DSCAML1: variants seen among roughly 807,000 people sequenced by gnomAD.
The protein encoded by DSCAML1 is DS cell adhesion molecule like 1, also known as cell adhesion molecule DSCAML1.
Under a neutral mutation model 200.5 loss-of-function variants are expected in DSCAML1, and 38 were observed. The observed-to-expected ratio is 0.19, with a 90% CI of 0.15 to 0.25. The LOEUF (loss-of-function observed/expected upper bound fraction) is 0.25, where lower values mean the gene tolerates loss of function less well. DSCAML1 is among the 10% of genes least tolerant of loss of function. The pLI is 1.00. For missense variants in DSCAML1, 2,223 were observed against 2,858.8 expected, an observed-to-expected ratio of 0.78 and a Z score of 5.07; for synonymous variants, 1,215 against 1,165.0, an observed-to-expected ratio of 1.04 and a Z score of -0.87.
At chr11:117,632,979 C>A (rs977339949) in intron 3 of DSCAML1, among the ~76,000 whole-genome samples, 1 of 152,218 alleles carries the variant, frequency 6.6e-6, no homozygotes, top group Non-Finnish European at 1.5e-5. Context: ...GAGTTCCCAA[C>A]CATTAGGTCA....
intron 3 of DSCAML1, among the ~76,000 whole-genome samples, chr11:117,761,781 G>T (rs780387331): frequency 1.3e-5 from 2 of 152,206 alleles, no homozygotes; most frequent in Non-Finnish European, 2.9e-5. Context: ...TGAGGCAGGA[G>T]GATCCCTTGA....
At chr11:117,638,948 A>G (rs2052344910) in intron 3 of DSCAML1, among the ~76,000 whole-genome samples, 1 of 152,168 alleles carries the variant, frequency 6.6e-6, no homozygotes, top group Non-Finnish European at 1.5e-5. Context: ...GAACTGCTAT[A>G]TGCTGTTTTC....
At chr11:117,593,019 G>A (rs569164126) in intron 3 of DSCAML1, among the ~76,000 whole-genome samples, 1 of 152,388 alleles carries the variant, frequency 6.6e-6, no homozygotes, top group Admixed American at 6.5e-5. Context: ...GGGTGGCTGT[G>A]AAGATTAAGC....
intron 3 of DSCAML1, among the ~76,000 whole-genome samples, chr11:117,536,837 A>T (rs2050180528): frequency 6.6e-6 from 1 of 151,808 alleles, no homozygotes; most frequent in Admixed American, 6.6e-5. Flanking sequence ...AAAGACCCTG[A>T]CCTGTTTTGC....
At chr11:117,472,195 G>A (rs547602507) in intron 14 of DSCAML1, among the ~76,000 whole-genome samples, 159 bp from the exon 15 acceptor site, 2 of 152,198 alleles carry the variant, frequency 1.3e-5, no homozygotes, top group Admixed American at 1.3e-4. Flanking sequence ...TTCACAGACG[G>A]TGCAAGGGGT....
intron 1 of DSCAML1, among the ~76,000 whole-genome samples, chr11:117,807,065 G>A (rs2055712478): frequency 6.6e-6 from 1 of 152,128 alleles, no homozygotes; most frequent in Non-Finnish European, 1.5e-5. Context: ...TCCTTGGCCG[G>A]GGCACCCGCT....
intron 1 of DSCAML1, among the ~76,000 whole-genome samples, chr11:117,814,612 G>A (rs923801726): frequency 6.6e-6 from 1 of 152,248 alleles, no homozygotes; most frequent in African/African-American, 2.4e-5. Flanking sequence ...CCCAAAGGGG[G>A]GTGAGGCACT....
chr11:117,428,419 C>T lies in DSCAML1; in HGVS notation c.6071G>A (p.Arg2024Lys), dbSNP rs1468937416. The change falls in exon 33 of 33, where the codon AGG (arginine) becomes AAG (lysine). Residue 2024 changes from arginine to lysine, a missense_variant. Around this residue, in one of 7 missense-constraint regions of DSCAML1, gnomAD observed 280 missense variants for 213.4 expected, o/e 1.31. Coordinates refer to ENST00000651296, the MANE Select transcript of DSCAML1 (RefSeq NM_020693.4). ...GGPHTKMGGS[R>K]DSLLEMSTSG... The stretch of plus-strand genomic sequence containing the variant: ...TGTGCTCATCTCGAGAAGCGAGTCC[C>T]TGGAGCCCCCCATTTTGGTGTGTGG... 1 of 1,556,788 alleles carries T rather than the reference C, an allele frequency of 6.4e-7. No individual in the cohort carries two copies. The highest frequency in any genetic ancestry group is 8.7e-7 in the Non-Finnish European group (1 of 1,155,568).
chr11:117,756,617 T>C (rs924027827), intron 3 of DSCAML1, among the ~76,000 whole-genome samples: 12 of 151,982 alleles, frequency 7.9e-5, no homozygotes, highest in Non-Finnish European at 1.3e-4. Flanking sequence ...TGTAGAAAAC[T>C]ATTATTATTC....
intron 3 of DSCAML1, among the ~76,000 whole-genome samples, chr11:117,542,809 G>A (rs1009967592): frequency 3.9e-5 from 6 of 152,228 alleles, no homozygotes; most frequent in Non-Finnish European, 8.8e-5. Context: ...CTTGGGCTAA[G>A]AGACTTGTTC....
At chr11:117,601,132 C>T (rs1233590267) in intron 3 of DSCAML1, among the ~76,000 whole-genome samples, 3 of 152,120 alleles carry the variant, frequency 2.0e-5, no homozygotes, top group Non-Finnish European at 2.9e-5. Flanking sequence ...GTTCCCAGCC[C>T]CCACCCGCAC....
At chr11:117,801,642 T>C (rs1565293182), upstream of DSCAML1, 1 of 152,254 alleles carries the variant, frequency 6.6e-6, no homozygotes, top group Non-Finnish European at 1.5e-5. Flanking sequence ...CAAAATTCTG[T>C]CTGCTGGGCT....
rs777234890 is a variant in DSCAML1, at chr11:117,437,882, G to T, written c.4432+13C>A. On this transcript the variant is annotated intron_variant, in intron 25 of 32. Transcript: ENST00000651296. The surrounding 1 kb of genome is among the most constrained non-coding windows in gnomAD (Gnocchi z 5.3). ...CCATCGCTCCTTCCCTGCCCCAGTG[G>T]CCTGGGCCTCACCCCGCCCGTGGGT... 6.3e-7 allele frequency: 1 copy of T among 1,597,106 alleles called. No homozygotes were observed. Among genetic ancestry groups the T allele is most frequent in the Admixed American group, 1.7e-5 (1 of 59,326 alleles).
chr11:117,521,435 A>T, intron 5 of DSCAML1, 30 bp from the exon 6 acceptor site: 3 of 1,602,012 alleles, frequency 1.9e-6, no homozygotes, highest in Non-Finnish European at 1.7e-6. Context: ...CGTGAGGGGA[A>T]ATGGGAGGGA....
rs1467443325 is a variant in DSCAML1, at chr11:117,437,261, G to A, written c.4581C>T (p.Gly1527=). The part of the protein sequence containing the change: ...YRPKGTWAWQ[G]LRANSSGEVF... ...CCTCCCCGGAGCTGTTGGCCCGGAGGCCCTGCCAGGCCCAGGTCCCCTTGG... is the reference window on the plus strand; with the variant it reads ...CCTCCCCGGAGCTGTTGGCCCGGAGACCCTGCCAGGCCCAGGTCCCCTTGG... Residue 1527 remains glycine (G), a synonymous_variant, in exon 26 of 33, where the codon GGC becomes GGT. Transcript: ENST00000651296. This position sits in a 1 kb window ranked among gnomAD's most constrained non-coding sequence, Gnocchi z 5.3. The A allele has an allele frequency of 1.9e-6, 3 of 1,614,214 alleles. No homozygotes were observed. The highest frequency in any genetic ancestry group is 2.2e-5 in the South Asian group (2 of 91,088).
intron 3 of DSCAML1, among the ~76,000 whole-genome samples, chr11:117,650,700 T>TGTGTGC (rs147584706): frequency 7.4e-4 from 109 of 147,460 alleles, no homozygotes; most frequent in African/African-American, 1.7e-3. Context: ...TGTGTGTGTG[T>TGTGTGC]GCGTGTGTGT....
chr11:117,566,989 T>C (rs1483315360), intron 3 of DSCAML1, among the ~76,000 whole-genome samples: 2 of 152,174 alleles, frequency 1.3e-5, no homozygotes, highest in African/African-American at 4.8e-5. Context: ...TGTTGGACAT[T>C]TGGGTTGGTT....
chr11:117,504,165 A>G lies in DSCAML1; in HGVS notation c.2183-144T>C. The G allele has an allele frequency of 5.1e-6, 5 of 971,288 alleles. No homozygotes were observed. Among genetic ancestry groups the G allele is most frequent in the Non-Finnish European group, 7.5e-6 (5 of 668,080 alleles). The allele number at this position is 971,288 out of a possible 1,614,324, so 60.2% of individuals were successfully genotyped here. On this transcript the variant is annotated intron_variant, in intron 10 of 32. Transcript: ENST00000651296. This position sits in a 1 kb window ranked among gnomAD's most constrained non-coding sequence, Gnocchi z 5.0. Reference sequence around the variant, plus strand: ...GCACCATCCCCAAAGTGCTGAGGCCACATGGCTCCTGGTGGGCAACAGGAA... The same window carrying G: ...GCACCATCCCCAAAGTGCTGAGGCCGCATGGCTCCTGGTGGGCAACAGGAA...
chr11:117,430,409 G>A (rs1385050316), intron 32 of DSCAML1, among the ~76,000 whole-genome samples: 1 of 152,252 alleles, frequency 6.6e-6, no homozygotes, highest in Non-Finnish European at 1.5e-5. Flanking sequence ...CGCTGGGGAT[G>A]TATATCATTT....
Sources: allele counts gnomAD v4.1 joint callset (sites outside exome capture counted in the v4.1 genomes callset), GRCh38; gene constraint gnomAD v4.1.1; regional missense constraint gnomAD v4.1.1; non-coding constraint Gnocchi (gnomAD v3.1); transcripts MANE v1.5; gene names NCBI Gene and HGNC (gene_info 2026-07-23, HGNC 2026-07-21).